The following SPOCK1 variants were observed in gnomAD, a reference collection of about 807,000 sequenced individuals.
SPOCK1 encodes testican-1.
SPOCK1 carries 23 observed loss-of-function variants against 55.3 expected under a neutral mutation model. That is an observed-to-expected ratio of 0.42 (90% CI 0.30 to 0.59). SPOCK1 has a LOEUF of 0.59. Ranked by LOEUF, SPOCK1 falls within the 20% of genes least tolerant of loss-of-function variation. SPOCK1 has a pLI of 0.22. For missense variants in SPOCK1, 499 were observed against 552.5 expected (o/e 0.90, Z 0.97); for synonymous variants, 226 against 221.0 (o/e 1.02, Z -0.20).
At chr5:137,428,898 T>G (rs1220222901) in intron 2 of SPOCK1, among the ~76,000 whole-genome samples, 1 of 152,160 alleles carries the variant, frequency 6.6e-6, no homozygotes, top group Non-Finnish European at 1.5e-5. Flanking sequence ...CAATAACAGC[T>G]CTCTCGCATG....
intron 2 of SPOCK1, among the ~76,000 whole-genome samples, chr5:137,286,249 T>G (rs898868521): frequency 2.6e-5 from 4 of 152,200 alleles, no homozygotes; most frequent in African/African-American, 9.7e-5. Context: ...CTTCCCACTA[T>G]ATCACATGGC....
intron 2 of SPOCK1, among the ~76,000 whole-genome samples, chr5:137,276,280 T>C (rs1282320330): frequency 7.2e-5 from 11 of 152,234 alleles, no homozygotes; most frequent in African/African-American, 2.7e-4. Context: ...ACACTCCTCC[T>C]TACCCTTCTT....
chr5:137,485,385 G>A (rs898320846), intron 2 of SPOCK1, among the ~76,000 whole-genome samples: 2 of 152,222 alleles, frequency 1.3e-5, no homozygotes, highest in Non-Finnish European at 2.9e-5. Flanking sequence ...GTATGAGCTA[G>A]ATTATAGGAT....
At chr5:137,267,710 G>T (rs956202599) in intron 2 of SPOCK1, among the ~76,000 whole-genome samples, 1 of 152,118 alleles carries the variant, frequency 6.6e-6, no homozygotes, top group Non-Finnish European at 1.5e-5. Flanking sequence ...CTTTAAAATT[G>T]CAAGGATCTC....
intron 2 of SPOCK1, among the ~76,000 whole-genome samples, chr5:137,487,546 G>T (rs186537166): frequency 7.2e-4 from 110 of 152,198 alleles, no homozygotes; most frequent in African/African-American, 2.5e-3. Flanking sequence ...CACCACTTCA[G>T]TTTCAATATT....
intron 2 of SPOCK1, among the ~76,000 whole-genome samples, chr5:137,453,195 C>T (rs1357651744): frequency 6.6e-6 from 1 of 152,140 alleles, no homozygotes; most frequent in Non-Finnish European, 1.5e-5. Context: ...CCACTTGGTC[C>T]TTCCAGAAAG....
chr5:137,209,731 T>C (rs1396416499), intron 3 of SPOCK1, among the ~76,000 whole-genome samples: 2 of 152,164 alleles, frequency 1.3e-5, no homozygotes, highest in South Asian at 2.1e-4. Context: ...AGTTACATTA[T>C]ATTAGAAGGT....
intron 6 of SPOCK1, among the ~76,000 whole-genome samples, chr5:137,030,471 C>A (rs1490549994): frequency 2.0e-5 from 3 of 152,016 alleles, no homozygotes; most frequent in South Asian, 2.1e-4. Flanking sequence ...CTGCAGCTTG[C>A]CAAACAAAAA....
chr5:137,157,448 G>A (rs1754438432), intron 3 of SPOCK1, among the ~76,000 whole-genome samples: 2 of 152,218 alleles, frequency 1.3e-5, no homozygotes, highest in African/African-American at 2.4e-5. Context: ...CCTCCTACTA[G>A]GTTGGACCCT....
chr5:137,451,626 GT>G (rs1240849434), intron 2 of SPOCK1, among the ~76,000 whole-genome samples: 1 of 152,182 alleles, frequency 6.6e-6, no homozygotes, highest in African/African-American at 2.4e-5. Context: ...CAACATCTTG[GT>G]AAATCTCATT....
At position 137,254,298 on chromosome 5, in the gene SPOCK1, T is replaced by C. The variant is rs567260683; in HGVS notation, c.232+12712A>G. The stretch of plus-strand genomic sequence containing the variant: ...GATTTCTATTGGTATTTTTTATGGC[T>C]GTTTCATAATACCTGCTTGAAAACA... On this transcript the variant is annotated intron_variant, in intron 3 of 10. Transcript: ENST00000394945. Among the ~76,000 whole-genome samples, 8 of 152,346 alleles carry C rather than the reference T, an allele frequency of 5.3e-5. No individual in the cohort carries two copies. The East Asian group carries it at 1.4e-3, about 26-fold the overall frequency.
chr5:137,455,125 G>C (rs1420276671), intron 2 of SPOCK1, among the ~76,000 whole-genome samples: 2 of 152,176 alleles, frequency 1.3e-5, no homozygotes, highest in Non-Finnish European at 2.9e-5. Context: ...GCCACATTTT[G>C]AGGCTGTAAC....
chr5:137,207,196 C>T (rs1257187051), intron 3 of SPOCK1, among the ~76,000 whole-genome samples: 2 of 152,306 alleles, frequency 1.3e-5, no homozygotes, highest in African/African-American at 4.8e-5. Context: ...GAGTTCCTTC[C>T]ACGCCTGTCA....
At chr5:137,315,312 G>A (rs956610288) in intron 2 of SPOCK1, among the ~76,000 whole-genome samples, 1 of 152,184 alleles carries the variant, frequency 6.6e-6, no homozygotes, top group African/African-American at 2.4e-5. Context: ...CATCTCATCT[G>A]TCATTCTCAT....
chr5:136,986,787 G>A (rs1056161474), intron 8 of SPOCK1, among the ~76,000 whole-genome samples: 3 of 152,014 alleles, frequency 2.0e-5, no homozygotes, highest in Non-Finnish European at 4.4e-5. Flanking sequence ...TTAACACCAT[G>A]GGTTGATAGA....
chr5:137,091,290 G>A (rs1474279068), intron 5 of SPOCK1, among the ~76,000 whole-genome samples: 1 of 152,218 alleles, frequency 6.6e-6, no homozygotes, highest in African/African-American at 2.4e-5. Flanking sequence ...AGTAGTAGGT[G>A]CTGTGAATAT....
intron 6 of SPOCK1, among the ~76,000 whole-genome samples, chr5:137,008,413 A>G (rs138328898): frequency 6.6e-6 from 1 of 152,178 alleles, no homozygotes; most frequent in Non-Finnish European, 1.5e-5. Context: ...CAGCACGGCA[A>G]TATTCAAAAG....
chr5:137,098,505 G>A (rs1401908666), intron 5 of SPOCK1, among the ~76,000 whole-genome samples: 3 of 152,228 alleles, frequency 2.0e-5, no homozygotes, highest in South Asian at 2.1e-4. Context: ...CAAAGCAGGT[G>A]CCAGAAAAGT....
At chr5:137,313,384 G>A (rs1757821303) in intron 2 of SPOCK1, 1 of 983,946 alleles carries the variant, frequency 1.0e-6, no homozygotes, top group African/African-American at 1.7e-5. Flanking sequence ...AGATTAAAGA[G>A]AAGAAAAGTA....
Sources: allele counts gnomAD v4.1 joint callset (sites outside exome capture counted in the v4.1 genomes callset), GRCh38; gene constraint gnomAD v4.1.1; transcripts MANE v1.5; gene names NCBI Gene and HGNC (gene_info 2026-07-23, HGNC 2026-07-21).